The following DYNC2H1 variants were observed in gnomAD, a reference collection of about 807,000 sequenced individuals.
The protein encoded by DYNC2H1 is dynein cytoplasmic 2 heavy chain 1, also known as cytoplasmic dynein 2 heavy chain 1.
A neutral mutation model predicts 570.0 loss-of-function variants in DYNC2H1; 410 were observed. That is an observed-to-expected ratio of 0.72 (90% CI 0.66 to 0.78). The LOEUF is 0.78. Ranked by LOEUF, DYNC2H1 falls within the 30% of genes least tolerant of loss-of-function variation. DYNC2H1 has a pLI of 0.00. For synonymous variants in DYNC2H1, 1,688 were observed against 1,677.6 expected, an observed-to-expected ratio of 1.01 and a Z score of -0.15; for missense variants, 4,865 against 5,046.4, an observed-to-expected ratio of 0.96 and a Z score of 1.09.
chr11:103,315,821 GTTCA>G (rs1937794614), intron 79 of DYNC2H1, among the ~76,000 whole-genome samples: 1 of 151,824 alleles, frequency 6.6e-6, no homozygotes, highest in Admixed American at 6.6e-5. Flanking sequence ...TAATTTTTTT[GTTCA>G]TTCTTATATT....
At chr11:103,114,041 G>A in intron 2 of DYNC2H1, 62 bp from the exon 3 acceptor site, 4 of 1,570,912 alleles carry the variant, frequency 2.5e-6, no homozygotes, top group Non-Finnish European at 3.5e-6. Context: ...AGTGTTTTGG[G>A]AAGCCAATTT....
intron 17 of DYNC2H1, among the ~76,000 whole-genome samples, chr11:103,137,696 A>T (rs1306157241): frequency 6.6e-6 from 1 of 151,896 alleles, no homozygotes; most frequent in East Asian, 1.9e-4. Context: ...CTTAGGATTG[A>T]CTTGGCAATG....
chr11:103,116,718 C>A lies in DYNC2H1; in HGVS notation c.766+4C>A. The A allele has an allele frequency of 6.4e-7, 1 of 1,574,576 alleles. No individual in the cohort carries two copies. The highest frequency in any genetic ancestry group is 8.6e-7 in the Non-Finnish European group (1 of 1,163,206). ...TTGCATCTCTTAGACATCATAGGTA[C>A]TAGTAAAAAAATGAACTTTTGGAAT... On this transcript the variant is annotated splice_donor_region_variant and intron_variant, in intron 5 of 88. Transcript: ENST00000375735.
At position 103,153,363 on chromosome 11, in the gene DYNC2H1, A is replaced by G; in HGVS notation, c.3157A>G (p.Lys1053Glu). 2 of 1,548,674 alleles carry G rather than the reference A, an allele frequency of 1.3e-6. No individual in the cohort carries two copies. The highest frequency in any genetic ancestry group is 2.4e-5 in the South Asian group (2 of 82,532). The change falls in exon 22 of 89, where the codon AAA becomes GAA. Residue 1053 changes from lysine (K) to glutamate (E), a missense_variant. Lys to Glu is a moderately conservative substitution (Grantham distance 56, BLOSUM62 1). Transcript: ENST00000375735. ...RLQIYYQELE[K>E]FKARWDQLKP... ...TCAGATCTATTATCAAGAACTGGAAAAATTTAAAGCTCGTTGGGACCAACT... is the reference window on the plus strand; with the variant it reads ...TCAGATCTATTATCAAGAACTGGAAGAATTTAAAGCTCGTTGGGACCAACT...
At position 103,185,125 on chromosome 11, in the gene DYNC2H1, G is replaced by A. The variant is rs904378392; in HGVS notation, c.6633+74G>A. 62 of 1,371,544 alleles carry A rather than the reference G, an allele frequency of 4.5e-5. No homozygotes were observed. The highest frequency in any genetic ancestry group is 6.2e-5 in the Non-Finnish European group (62 of 1,007,914). The allele number at this position is 1,371,544 out of a possible 1,614,324, so 85.0% of individuals were successfully genotyped here. On this transcript the variant is annotated intron_variant, in intron 41 of 88. Coordinates refer to ENST00000375735, the MANE Select transcript of DYNC2H1 (RefSeq NM_001377.3). The surrounding 1 kb of genome is among the most constrained non-coding windows in gnomAD (Gnocchi z 4.5). ...TAACTCTTAACTGCCAAAACACAAT[G>A]ATTTGTAACTGTAAGATATGGAACT...
rs1311701171 is a variant in DYNC2H1 at position 103,125,096 on chromosome 11, A to C, written c.1662-4A>C. 1 of 1,602,712 alleles carries C rather than the reference A, an allele frequency of 6.2e-7. No individual in the cohort carries two copies. Among genetic ancestry groups the C allele is most frequent in the East Asian group, 2.2e-5 (1 of 44,582 alleles). On this transcript the variant is annotated splice_region_variant and splice_polypyrimidine_tract_variant and intron_variant, in intron 11 of 88. Transcript: ENST00000375735. ...CTTAACAGGTTATTTATTTTGTTTT[A>C]TAGTATTGAGGCTAGTAGTCGAATT...
intron 50 of DYNC2H1, among the ~76,000 whole-genome samples, chr11:103,202,504 A>G (rs906269389): frequency 1.3e-5 from 2 of 152,006 alleles, no homozygotes; most frequent in Non-Finnish European, 2.9e-5. Context: ...TAATATATAG[A>G]TAGAGCTGAC....
intron 84 of DYNC2H1, among the ~76,000 whole-genome samples, chr11:103,426,192 G>A (rs1943665264): frequency 6.6e-6 from 1 of 152,184 alleles, no homozygotes; most frequent in African/African-American, 2.4e-5. Context: ...TTTCCCATAA[G>A]GAATACTTTT....
chr11:103,181,866 T>G lies in DYNC2H1; in HGVS notation c.6457T>G (p.Leu2153Val), dbSNP rs374363423. Residue 2153 changes from leucine to valine, a missense_variant, in exon 40 of 89, where the codon TTA becomes GTA. Leu to Val is a conservative substitution (Grantham distance 32). This residue lies in a region of DYNC2H1 where 231 missense variants were observed against 310.3 expected (regional missense o/e 0.74). Coordinates refer to ENST00000375735, the MANE Select transcript of DYNC2H1 (RefSeq NM_001377.3). This position sits in a 1 kb window ranked among gnomAD's most constrained non-coding sequence, Gnocchi z 5.0. ...GATTGGAGATTATTTTGAAAAGGCT[T>G]TACAATGGGTTCTAAAGCAGGTAAA... is the stretch of plus-strand genomic sequence containing the variant. ...NWIGDYFEKA[L>V]QWVLKQNDYV... is the part of the protein sequence containing the mutation. 1.2e-6 allele frequency: 2 copies of G among 1,605,344 alleles called. No homozygotes were observed. Among genetic ancestry groups the G allele is most frequent in the African/African-American group, 2.7e-5 (2 of 74,624 alleles).
chr11:103,132,652 GT>G (rs1424421479), intron 13 of DYNC2H1, among the ~76,000 whole-genome samples: 221 of 3,896 alleles, frequency 0.057, 1 homozygote, highest in Middle Eastern at 0.21. Flanking sequence ...GGTTGGGGGT[GT>G]GTGTGTGTGT....
At chr11:103,406,535 A>T (rs2135671230) in intron 84 of DYNC2H1, 1 of 152,034 alleles carries the variant, frequency 6.6e-6, no homozygotes, top group East Asian at 1.9e-4. Context: ...ATAGGTGTTA[A>T]CCATGTTAGT....
chr11:103,169,180 G>A (rs1861464610), intron 32 of DYNC2H1, among the ~76,000 whole-genome samples: 1 of 152,006 alleles, frequency 6.6e-6, no homozygotes, highest in Non-Finnish European at 1.5e-5. Flanking sequence ...GTATTGTACT[G>A]AATTCTCAAA....
At chr11:103,454,335 A>ACT (rs1323849588) in intron 85 of DYNC2H1, among the ~76,000 whole-genome samples, 1 of 152,196 alleles carries the variant, frequency 6.6e-6, no homozygotes, top group Admixed American at 6.5e-5. Context: ...CACCAGCTGA[A>ACT]CTAATAGCTT....
intron 87 of DYNC2H1, among the ~76,000 whole-genome samples, chr11:103,457,232 A>T (rs563171475): frequency 2.0e-5 from 3 of 152,334 alleles, no homozygotes; most frequent in African/African-American, 7.2e-5. Context: ...ATAACCGTTC[A>T]TGCTTTATGT....
Position 103,239,642 on chromosome 11 carries a change from A to AGTGTGTGTGTGT in DYNC2H1, c.9819+3128_9819+3139dup, listed in dbSNP as rs140380392. Among the ~76,000 whole-genome samples, 4 of 140,104 alleles carry AGTGTGTGTGTGT rather than the reference A, an allele frequency of 2.9e-5. No homozygotes were observed. The highest frequency in any genetic ancestry group is 1.1e-4 in the African/African-American group (4 of 37,892). 91.9% of individuals were successfully genotyped at this position (140,104 alleles called of 152,430 possible). ...CTCCTGTCTATACACTTCTCATAGG[A>AGTGTGTGTGTGT]GTGTGTGTGTGTGTGTGTGTGTGTG... On this transcript the variant is annotated intron_variant, in intron 63 of 88. Transcript: ENST00000375735. The surrounding 1 kb of genome is among the most constrained non-coding windows in gnomAD (Gnocchi z 4.3).
intron 79 of DYNC2H1, among the ~76,000 whole-genome samples, chr11:103,312,431 A>G (rs1282895958): frequency 6.7e-6 from 1 of 148,946 alleles, no homozygotes; most frequent in Non-Finnish European, 1.5e-5. Flanking sequence ...AGTTCCAGCT[A>G]CTTGGGAGGC....
At chr11:103,320,887 AT>A (rs1256424917) in intron 80 of DYNC2H1, 141 bp from the exon 81 acceptor site, 3 of 669,228 alleles carry the variant, frequency 4.5e-6, no homozygotes, top group Non-Finnish European at 7.2e-6. Context: ...AATCTCAAAT[AT>A]TTACTACTAT....
intron 22 of DYNC2H1, 46 bp from the exon 23 acceptor site, chr11:103,154,405 A>G: frequency 6.8e-7 from 1 of 1,469,052 alleles, no homozygotes. Context: ...AACAGTATCA[A>G]TATTTCTGTT....
chr11:103,131,993 G>C (rs964415152), intron 13 of DYNC2H1, among the ~76,000 whole-genome samples: 6 of 151,938 alleles, frequency 3.9e-5, no homozygotes, highest in African/African-American at 1.4e-4. Context: ...CATTTGTTAA[G>C]TTTTCAGTTA....
Sources: allele counts gnomAD v4.1 joint callset (sites outside exome capture counted in the v4.1 genomes callset), GRCh38; gene constraint gnomAD v4.1.1; regional missense constraint gnomAD v4.1.1; non-coding constraint Gnocchi (gnomAD v3.1); transcripts MANE v1.5; gene names NCBI Gene and HGNC (gene_info 2026-07-23, HGNC 2026-07-21).